VPS13A: variants seen among roughly 807,000 people sequenced by gnomAD.
VPS13A encodes the protein vacuolar protein sorting 13 homolog A, also known as intermembrane lipid transfer protein VPS13A.
In VPS13A, 264 loss-of-function variants were observed where a neutral mutation model predicts 390.9. The ratio of observed to expected loss-of-function variants is 0.68; its 90% CI spans 0.61 to 0.75. VPS13A has a LOEUF of 0.75. Ranked by LOEUF, VPS13A falls within the 30% of genes least tolerant of loss-of-function variation. VPS13A has a pLI of 0.00. For synonymous variants in VPS13A, 1,231 were observed against 1,227.1 expected (o/e 1.00, Z -0.07); for missense variants, 3,409 against 3,733.9 (o/e 0.91, Z 2.27).
At chr9:77,322,497 G>A (rs1374039419) in intron 44 of VPS13A, among the ~76,000 whole-genome samples, 1 of 151,742 alleles carries the variant, frequency 6.6e-6, no homozygotes, top group East Asian at 1.9e-4. Flanking sequence ...TGTTTCAGGT[G>A]TTGTCATAGC....
At chr9:77,398,274 GA>G (rs1308685536) in intron 68 of VPS13A, among the ~76,000 whole-genome samples, 1 of 152,120 alleles carries the variant, frequency 6.6e-6, no homozygotes, top group African/African-American at 2.4e-5. Flanking sequence ...CCATGAGGAA[GA>G]AACATCATGA....
intron 71 of VPS13A, among the ~76,000 whole-genome samples, chr9:77,413,982 TG>T (rs1408347465): frequency 6.6e-6 from 1 of 152,082 alleles, no homozygotes; most frequent in Non-Finnish European, 1.5e-5. Context: ...AGAAGACACA[TG>T]AAAAAATGCT....
Position 77,213,048 on chromosome 9 carries a change from G to C in VPS13A, c.615+20G>C, listed in dbSNP as rs17723908. On this transcript the variant is annotated intron_variant, in intron 8 of 71. Coordinates refer to ENST00000360280, the MANE Select transcript of VPS13A (RefSeq NM_033305.3). Reference sequence around the variant, plus strand: ...CGTAAGGTAAATAAATACTGTGTTTGTCAACTCATGGACTTAAGAGAATTT... The same window carrying C: ...CGTAAGGTAAATAAATACTGTGTTTCTCAACTCATGGACTTAAGAGAATTT... 142,671 of 1,612,558 alleles carry C rather than the reference G, an allele frequency of 0.088. 6,710 individuals are homozygous for C. The highest frequency in any genetic ancestry group is 0.13 in the East Asian group (6,031 of 44,794).
chr9:77,362,289 T>C (rs1832188969), intron 59 of VPS13A, among the ~76,000 whole-genome samples: 1 of 152,312 alleles, frequency 6.6e-6, no homozygotes, highest in East Asian at 1.9e-4. Flanking sequence ...CTCTTATGAT[T>C]AGGTCTTTGA....
chr9:77,267,605 C>A (rs1587457411), intron 23 of VPS13A, among the ~76,000 whole-genome samples: 1 of 152,258 alleles, frequency 6.6e-6, no homozygotes, highest in Admixed American at 6.5e-5. Context: ...GTCTGTCGAC[C>A]CCTGCTGGGA....
chr9:77,219,163 G>A (rs569404558), intron 10 of VPS13A, among the ~76,000 whole-genome samples: 1 of 151,740 alleles, frequency 6.6e-6, no homozygotes, highest in Admixed American at 6.6e-5. Flanking sequence ...TATTTCTTCT[G>A]CTTTTTTTTT....
intron 23 of VPS13A, among the ~76,000 whole-genome samples, chr9:77,262,236 C>T (rs995231438): frequency 6.6e-6 from 1 of 151,636 alleles, no homozygotes; most frequent in Non-Finnish European, 1.5e-5. Context: ...TTTACATAGT[C>T]AATTTTTTTT....
intron 17 of VPS13A, among the ~76,000 whole-genome samples, chr9:77,236,184 A>T (rs574817601): frequency 1.5e-4 from 23 of 152,346 alleles, no homozygotes; most frequent in Admixed American, 6.5e-4. Flanking sequence ...TTATAAGTCA[A>T]GGAACATCTG....
chr9:77,200,208 T>G (rs937559579), intron 2 of VPS13A, among the ~76,000 whole-genome samples: 12 of 152,076 alleles, frequency 7.9e-5, no homozygotes, highest in African/African-American at 2.7e-4. Flanking sequence ...TGTTTTAGGC[T>G]GGGCATGGTG....
At chr9:77,243,064 A>T (rs558027702) in intron 19 of VPS13A, among the ~76,000 whole-genome samples, 1 of 152,050 alleles carries the variant, frequency 6.6e-6, no homozygotes, top group Non-Finnish European at 1.5e-5. Flanking sequence ...ATTTGTGAAG[A>T]GACTCATATA....
chr9:77,263,891 A>G (rs1825890308), intron 23 of VPS13A, among the ~76,000 whole-genome samples: 1 of 152,172 alleles, frequency 6.6e-6, no homozygotes. Flanking sequence ...CTTACATTTA[A>G]GTCTTTAATC....
chr9:77,210,295 G>T (rs1000705098), intron 6 of VPS13A, among the ~76,000 whole-genome samples: 2 of 137,446 alleles, frequency 1.5e-5, no homozygotes, highest in African/African-American at 2.7e-5. Context: ...GCAGTTGCCC[G>T]ATCATGACTC....
At chr9:77,261,496 C>A (rs1459964313) in intron 23 of VPS13A, among the ~76,000 whole-genome samples, 1 of 150,398 alleles carries the variant, frequency 6.6e-6, no homozygotes, top group African/African-American at 2.5e-5. Flanking sequence ...TTTGCTTATA[C>A]TTTTATTCAT....
At position 77,416,157 on chromosome 9, in the gene VPS13A, C is replaced by CA. The variant is rs1324766723; in HGVS notation, c.*158dup. 1 of 891,750 alleles carries CA rather than the reference C, an allele frequency of 1.1e-6. No individual in the cohort carries two copies. The allele number at this position is 891,750 out of a possible 1,614,324, so 55.2% of individuals were successfully genotyped here. ...ACAAAAACAAACAAAAAAACAAAAACAAAAAAACAAAACCAGAATCAGGTA... is the reference window on the plus strand; with the variant it reads ...ACAAAAACAAACAAAAAAACAAAAACAAAAAAAACAAAACCAGAATCAGGTA... On this transcript the variant is annotated 3_prime_UTR_variant, in exon 72 of 72. Transcript: ENST00000360280.
At position 77,232,829 on chromosome 9, in the gene VPS13A, A is replaced by G. The variant is rs543202488; in HGVS notation, c.1595+4565A>G. ...CAGGTCTCTCCCACGACATGGGGGA[A>G]TTATGGGAGCTACAATTCAAGATGA... On this transcript the variant is annotated intron_variant, in intron 17 of 71. Transcript: ENST00000360280. Among the ~76,000 whole-genome samples the G allele has an allele frequency of 3.2e-4, 49 of 152,258 alleles. 1 individual carries two copies. The South Asian group carries it at 1.0e-2, about 31-fold the overall frequency.
At chr9:77,410,339 A>G (rs1040737792) in intron 71 of VPS13A, among the ~76,000 whole-genome samples, 5 of 152,218 alleles carry the variant, frequency 3.3e-5, no homozygotes, top group African/African-American at 1.2e-4. Flanking sequence ...CACTGCAAAA[A>G]CATGCCAAAT....
intron 22 of VPS13A, among the ~76,000 whole-genome samples, chr9:77,253,450 C>T (rs761922446): frequency 1.3e-5 from 2 of 151,974 alleles, no homozygotes; most frequent in Non-Finnish European, 2.9e-5. Flanking sequence ...GGACTACAAG[C>T]GCATGCCACC....
At chr9:77,192,618 T>C (rs1437598448) in intron 1 of VPS13A, among the ~76,000 whole-genome samples, 1 of 152,240 alleles carries the variant, frequency 6.6e-6, no homozygotes, top group Non-Finnish European at 1.5e-5. Context: ...TGGTTAGATA[T>C]GAAATTCTTG....
At chr9:77,183,335 A>T (rs905195433) in intron 1 of VPS13A, among the ~76,000 whole-genome samples, 3 of 152,190 alleles carry the variant, frequency 2.0e-5, no homozygotes, top group African/African-American at 7.2e-5. Context: ...CATACCTAGA[A>T]GTTTCCTTGT....
Sources: gnomAD v4.1 joint callset for allele counts (sites outside exome capture counted in the v4.1 genomes callset) on GRCh38, gnomAD v4.1.1 for gene constraint, MANE v1.5 for transcripts, NCBI Gene and HGNC (gene_info 2026-07-23, HGNC 2026-07-21) for gene names.